XKRX: variants seen among roughly 807,000 people sequenced by gnomAD.
XKRX encodes XK related X-linked, also known as XK-related protein 2.
Under a neutral mutation model 22.4 loss-of-function variants are expected in XKRX, and 11 were observed. That is an observed-to-expected ratio of 0.49 (90% CI 0.31 to 0.81). The LOEUF (loss-of-function observed/expected upper bound fraction) is 0.81, where lower values mean the gene tolerates loss of function less well. Among genes scored for constraint, XKRX ranks in the 40% least tolerant of loss-of-function variants. The probability of loss-of-function intolerance (pLI) is 0.05; values close to 1 mark genes in which losing one functional copy is unlikely to be tolerated. For missense variants in XKRX, 320 were observed against 336.5 expected (o/e 0.95, Z 0.38); for synonymous variants, 114 against 132.2 (o/e 0.86, Z 0.94).
intron 2 of XKRX, among the ~76,000 whole-genome samples, chrX:100,915,446 G>A (rs1258608010): frequency 9.0e-6 from 1 of 110,584 alleles, no homozygotes; most frequent in Non-Finnish European, 1.9e-5. Context: ...CTGTTTGTGG[G>A]AACATAAACT....
the XKRX span, among the ~76,000 whole-genome samples, chrX:100,891,497 G>A: frequency 9.0e-6 from 1 of 110,661 alleles, no homozygotes; most frequent in African/African-American, 3.3e-5. Context: ...AAGACATATA[G>A]ACTAAGGAAA....
intron 2 of XKRX, among the ~76,000 whole-genome samples, chrX:100,917,665 G>GA (rs780056515): frequency 0.16 from 7,524 of 45,741 alleles, 515 homozygotes; most frequent in Non-Finnish European, 0.2. Context: ...AAGAAAGAAA[G>GA]AAAGAAAGAA....
the XKRX span, among the ~76,000 whole-genome samples, chrX:100,890,126 G>A: frequency 8.9e-6 from 1 of 111,770 alleles, no homozygotes; most frequent in African/African-American, 3.3e-5. Context: ...GGACAGAAGT[G>A]AGGGTAGGTG....
At chrX:100,912,529 G>T (rs936611410), downstream of XKRX, among the ~76,000 whole-genome samples, 1 of 112,356 alleles carries the variant, frequency 8.9e-6, no homozygotes, top group African/African-American at 3.2e-5. Context: ...GATAAGAGGA[G>T]AGGAAATGAC....
the XKRX span, among the ~76,000 whole-genome samples, chrX:100,889,961 G>A: frequency 8.9e-6 from 1 of 112,010 alleles, no homozygotes; most frequent in African/African-American, 3.2e-5. Flanking sequence ...CCATGATTGT[G>A]CCACTGCACT....
At chrX:100,916,786 G>A (rs1406704693) in intron 2 of XKRX, among the ~76,000 whole-genome samples, 1 of 112,265 alleles carries the variant, frequency 8.9e-6, no homozygotes, top group Non-Finnish European at 1.9e-5. Context: ...AAATGTTTGT[G>A]GAATTAATGA....
chrX:100,924,021 T>G (rs1434218549), intron 1 of XKRX, among the ~76,000 whole-genome samples: 1 of 99,947 alleles, frequency 1.0e-5, no homozygotes, highest in African/African-American at 3.7e-5. Flanking sequence ...TTTTTTTTTT[T>G]TTGTATTTTT....
At chrX:100,895,097 C>T in the XKRX span, among the ~76,000 whole-genome samples, 2 of 111,793 alleles carry the variant, frequency 1.8e-5, no homozygotes, top group Admixed American at 9.5e-5. Flanking sequence ...TAAACATTAC[C>T]GGTTTCTCCT....
At chrX:100,949,374 T>G in the XKRX span, among the ~76,000 whole-genome samples, 1 of 95,739 alleles carries the variant, frequency 1.0e-5, no homozygotes, top group African/African-American at 4.4e-5. Flanking sequence ...GTTTTTTTTT[T>G]TTTTTGAGAG....
the XKRX span, chrX:100,887,627 T>C: frequency 2.1e-5 from 14 of 664,594 alleles, 1 homozygote; most frequent in South Asian, 3.0e-4. Context: ...CTAAGCTCTG[T>C]TTCCTAATTA....
At chrX:100,889,354 G>A in the XKRX span, among the ~76,000 whole-genome samples, 1 of 109,771 alleles carries the variant, frequency 9.1e-6, no homozygotes, top group Non-Finnish European at 1.9e-5. Context: ...CAATATGACT[G>A]TGTCCTTATA....
At chrX:100,904,313 A>G in the XKRX span, among the ~76,000 whole-genome samples, 2 of 111,777 alleles carry the variant, frequency 1.8e-5, no homozygotes, top group Non-Finnish European at 3.8e-5. Context: ...AAAAAACAAA[A>G]AAAACACCCA....
rs745405207 is a variant in XKRX at position 100,917,634 on chromosome X, GAAGA to G, written c.605-2555_605-2552del. ...AAAGAGAGAAAGAAAGAGAAAGAAAGAAGAAAGAAAGAAAGAAAGAAAGAAAGAA... is the reference window on the plus strand; with the variant it reads ...AAAGAGAGAAAGAAAGAGAAAGAAAGAAGAAAGAAAGAAAGAAAGAAAGAA... On this transcript the variant is annotated intron_variant, in intron 2 of 2. Coordinates refer to ENST00000372956, the MANE Select transcript of XKRX (RefSeq NM_212559.3). Among the ~76,000 whole-genome samples, 286 of 48,996 alleles carry G rather than the reference GAAGA, an allele frequency of 5.8e-3. 5 individuals are homozygous for G. The highest frequency in any genetic ancestry group is 0.012 in the East Asian group (21 of 1,690). 42.5% of individuals were successfully genotyped at this position (48,996 alleles called of 115,157 possible). A position where few individuals can be genotyped will look rare whatever the true frequency, so the allele number is the denominator to read the frequency against.
the XKRX span, among the ~76,000 whole-genome samples, chrX:100,955,327 T>C: frequency 8.9e-6 from 1 of 111,790 alleles, no homozygotes; most frequent in Non-Finnish European, 1.9e-5. Flanking sequence ...GAAGGGTACA[T>C]AGGACTTCCT....
intron 2 of XKRX, among the ~76,000 whole-genome samples, chrX:100,922,019 C>G (rs1450268759): frequency 1.3e-4 from 14 of 108,303 alleles, no homozygotes; most frequent in Non-Finnish European, 2.7e-4. Context: ...ATTTTTAGTA[C>G]AGACGGGTTT....
the XKRX span, among the ~76,000 whole-genome samples, chrX:100,946,528 G>T: frequency 8.9e-6 from 1 of 111,943 alleles, no homozygotes; most frequent in Admixed American, 9.5e-5. Flanking sequence ...ATCTACAAAG[G>T]TGTGGGCAGG....
the XKRX span, among the ~76,000 whole-genome samples, chrX:100,940,625 A>G: frequency 3.6e-5 from 4 of 111,584 alleles, no homozygotes; most frequent in Admixed American, 1.9e-4. Context: ...CTTTCTGTCT[A>G]TCTAATAGAT....
chrX:100,953,288 A>G, the XKRX span, among the ~76,000 whole-genome samples: 6 of 111,182 alleles, frequency 5.4e-5, no homozygotes, highest in East Asian at 1.4e-3. Context: ...ACACTGTCTA[A>G]AAAAACAAAA....
chrX:100,950,581 G>A, the XKRX span, among the ~76,000 whole-genome samples: 1 of 112,286 alleles, frequency 8.9e-6, no homozygotes, highest in Non-Finnish European at 1.9e-5. Flanking sequence ...CAGCAGAGCA[G>A]ATGTTCTTTT....
Sources: gnomAD v4.1 joint callset for allele counts (sites outside exome capture counted in the v4.1 genomes callset) on GRCh38, gnomAD v4.1.1 for gene constraint, MANE v1.5 for transcripts, NCBI Gene and HGNC (gene_info 2026-07-23, HGNC 2026-07-21) for gene names.